Variants in FGF1 observed in about 807,000 individuals in gnomAD.
FGF1 encodes the protein beta-endothelial cell growth factor.
FGF1 carries 9 observed loss-of-function variants against 13.4 expected under a neutral mutation model. The ratio of observed to expected loss-of-function variants is 0.67; its 90% CI spans 0.40 to 1.17. The LOEUF (loss-of-function observed/expected upper bound fraction) is 1.17. Among genes scored for constraint, FGF1 ranks in the 50% most tolerant of loss-of-function variants. The pLI is 0.01. For synonymous variants in FGF1, 93 were observed against 79.0 expected (o/e 1.18, Z -0.94); for missense variants, 156 against 192.7 (o/e 0.81, Z 1.13).
chr5:142,604,761 G>C (rs1390442883), intron 2 of FGF1, among the ~76,000 whole-genome samples: 2 of 152,116 alleles, frequency 1.3e-5, no homozygotes, highest in African/African-American at 2.4e-5. Flanking sequence ...TTCTAAGAAG[G>C]GGAAAAATCA....
At chr5:142,681,797 T>G (rs1773747766) in intron 1 of FGF1, among the ~76,000 whole-genome samples, 3 of 152,328 alleles carry the variant, frequency 2.0e-5, no homozygotes, top group African/African-American at 7.2e-5. Flanking sequence ...CAAGCCTCAA[T>G]TCCTGCATCT....
At chr5:142,610,012 G>C (rs1410488073) in intron 2 of FGF1, among the ~76,000 whole-genome samples, 1 of 152,222 alleles carries the variant, frequency 6.6e-6, no homozygotes, top group Non-Finnish European at 1.5e-5. Flanking sequence ...TCGGATGGTT[G>C]TGGGATACAG....
At chr5:142,634,590 G>A (rs1763940615) in intron 1 of FGF1, among the ~76,000 whole-genome samples, 1 of 152,228 alleles carries the variant, frequency 6.6e-6, no homozygotes, top group Admixed American at 6.5e-5. Flanking sequence ...CATCTGAATA[G>A]TACTTACTCA....
At chr5:142,623,264 T>TCA (rs1385987804) in intron 1 of FGF1, among the ~76,000 whole-genome samples, 3 of 151,984 alleles carry the variant, frequency 2.0e-5, no homozygotes, top group Non-Finnish European at 4.4e-5. Context: ...CTGAACAGAG[T>TCA]CACTGTAATC....
At chr5:142,599,993 G>A (rs1311563283) in intron 3 of FGF1, among the ~76,000 whole-genome samples, 3 of 152,170 alleles carry the variant, frequency 2.0e-5, no homozygotes, top group African/African-American at 7.2e-5. Flanking sequence ...TTTTGTGCAT[G>A]ACATATAAAC....
intron 1 of FGF1, among the ~76,000 whole-genome samples, chr5:142,631,779 C>CTTTT (rs34929420): frequency 1.3e-4 from 12 of 92,930 alleles, no homozygotes; most frequent in East Asian, 3.1e-4. Flanking sequence ...TTTAAATTAG[C>CTTTT]TTTTTTTTTT....
chr5:142,619,971 CAATAAATGTA>C (rs1761191578), intron 1 of FGF1, among the ~76,000 whole-genome samples: 1 of 150,284 alleles, frequency 6.7e-6, no homozygotes, highest in Non-Finnish European at 1.5e-5. Flanking sequence ...TGTATAATCA[CAATAAATGTA>C]AATGTGCTAA....
chr5:142,608,539 C>CATCT (rs1472349581), intron 2 of FGF1, among the ~76,000 whole-genome samples: 5 of 72,070 alleles, frequency 6.9e-5, no homozygotes, highest in Non-Finnish European at 1.4e-4. Context: ...TATATATACA[C>CATCT]ATCTATATAT....
At chr5:142,666,283 C>A (rs554167575) in intron 1 of FGF1, among the ~76,000 whole-genome samples, 3 of 122,488 alleles carry the variant, frequency 2.4e-5, no homozygotes, top group Admixed American at 8.0e-5. Flanking sequence ...ATGTAATACA[C>A]ACACACACAC....
At chr5:142,600,265 G>T (rs369420152) in intron 3 of FGF1, among the ~76,000 whole-genome samples, 7 of 152,294 alleles carry the variant, frequency 4.6e-5, no homozygotes, top group East Asian at 3.9e-4. Flanking sequence ...AGGGGGCTGA[G>T]GGGGGAGGAT....
intron 3 of FGF1, among the ~76,000 whole-genome samples, chr5:142,597,898 T>C (rs1755636211): frequency 6.6e-6 from 1 of 152,212 alleles, no homozygotes. Flanking sequence ...CTTGAGATAA[T>C]ATAAAGCAGT....
At chr5:142,617,293 A>G (rs1292678671) in intron 1 of FGF1, among the ~76,000 whole-genome samples, 1 of 152,158 alleles carries the variant, frequency 6.6e-6, no homozygotes, top group Non-Finnish European at 1.5e-5. Flanking sequence ...TGAACCTGGG[A>G]GACGACAGTT....
intron 1 of FGF1, among the ~76,000 whole-genome samples, chr5:142,666,714 G>A (rs532320394): frequency 6.6e-6 from 1 of 150,828 alleles, no homozygotes; most frequent in South Asian, 2.1e-4. Flanking sequence ...AAGGCAGGAG[G>A]ATCACTGAAA....
At chr5:142,668,362 G>A (rs895272080) in intron 1 of FGF1, among the ~76,000 whole-genome samples, 3 of 152,138 alleles carry the variant, frequency 2.0e-5, no homozygotes, top group Admixed American at 1.3e-4. Context: ...AGGTGTAGGA[G>A]AAAATGTGGT....
At chr5:142,608,573 TATATATATATACAC>T (rs1258682338) in intron 2 of FGF1, among the ~76,000 whole-genome samples, 8 of 88,376 alleles carry the variant, frequency 9.1e-5, no homozygotes, top group African/African-American at 4.9e-4. Flanking sequence ...TATATATATA[TATATATATATACAC>T]ACACACACAC....
At chr5:142,607,822 G>A (rs1758020381) in intron 2 of FGF1, among the ~76,000 whole-genome samples, 1 of 152,110 alleles carries the variant, frequency 6.6e-6, no homozygotes, top group African/African-American at 2.4e-5. Flanking sequence ...ACTGCTTCAC[G>A]AGTCCCTGCA....
chr5:142,670,884 T>G (rs1184486028), intron 1 of FGF1, among the ~76,000 whole-genome samples: 1 of 152,208 alleles, frequency 6.6e-6, no homozygotes, highest in African/African-American at 2.4e-5. Context: ...ACTAAGATGT[T>G]TCTGAGTATT....
At chr5:142,673,210 G>C (rs981521964) in intron 1 of FGF1, among the ~76,000 whole-genome samples, 15 of 152,156 alleles carry the variant, frequency 9.9e-5, no homozygotes. Context: ...CAGGTGAGTG[G>C]CATCACTCAG....
intron 1 of FGF1, among the ~76,000 whole-genome samples, chr5:142,620,374 C>T (rs566167747): frequency 2.6e-5 from 4 of 151,608 alleles, no homozygotes; most frequent in African/African-American, 4.8e-5. Flanking sequence ...GCTGAGATCG[C>T]GCCACTGCAC....
Sources: gnomAD v4.1 joint callset for allele counts (sites outside exome capture counted in the v4.1 genomes callset) on GRCh38, gnomAD v4.1.1 for gene constraint, MANE v1.5 for transcripts, NCBI Gene and HGNC (gene_info 2026-07-23, HGNC 2026-07-21) for gene names.